The following SLC38A12 variants were observed in gnomAD, a reference collection of about 807,000 sequenced individuals.
The protein encoded by SLC38A12 is putative sodium-coupled neutral amino acid transporter 12.
the SLC38A12 span, chr17:74,819,694 G>A: frequency 4.3e-5 from 66 of 1,542,102 alleles, no homozygotes; most frequent in Non-Finnish European, 5.5e-5. Context: ...TCTTCCGTGT[G>A]CAGACAGTCT....
the SLC38A12 span, among the ~76,000 whole-genome samples, chr17:74,779,211 G>C: frequency 6.6e-6 from 1 of 152,188 alleles, no homozygotes; most frequent in Non-Finnish European, 1.5e-5. Flanking sequence ...CCCATTTCTT[G>C]TATCTCCGGT....
chr17:74,790,977 C>T, the SLC38A12 span: 36 of 1,613,876 alleles, frequency 2.2e-5, no homozygotes, highest in East Asian at 8.9e-5. Flanking sequence ...TCTCCCAACC[C>T]GTTTGAAATC....
At chr17:74,834,665 G>A in the SLC38A12 span, among the ~76,000 whole-genome samples, 1 of 152,172 alleles carries the variant, frequency 6.6e-6, no homozygotes, top group East Asian at 1.9e-4. Context: ...CCCCAGACAG[G>A]AGCCACCGAG....
At chr17:74,816,769 AGAGACT>A in the SLC38A12 span, among the ~76,000 whole-genome samples, 4 of 152,034 alleles carry the variant, frequency 2.6e-5, no homozygotes, top group African/African-American at 9.7e-5. Context: ...GTCCTTGAGC[AGAGACT>A]GAGTTTGAAC....
chr17:74,777,262 A>G, the SLC38A12 span: 1 of 1,588,312 alleles, frequency 6.3e-7, no homozygotes, highest in Non-Finnish European at 8.6e-7. Flanking sequence ...TTTTGTTTTA[A>G]GGAGCTGCGG....
chr17:74,831,532 G>A, the SLC38A12 span, among the ~76,000 whole-genome samples: 1 of 152,222 alleles, frequency 6.6e-6, no homozygotes, highest in Non-Finnish European at 1.5e-5. Context: ...AGCCGCTCGT[G>A]TGACCTGTGT....
the SLC38A12 span, among the ~76,000 whole-genome samples, chr17:74,796,762 G>A: frequency 6.6e-6 from 1 of 152,248 alleles, no homozygotes; most frequent in Non-Finnish European, 1.5e-5. Flanking sequence ...TTGGTAGCGG[G>A]TTAATTGTCT....
the SLC38A12 span, among the ~76,000 whole-genome samples, chr17:74,826,989 A>G: frequency 6.6e-6 from 1 of 152,088 alleles, no homozygotes; most frequent in Non-Finnish European, 1.5e-5. Flanking sequence ...CAGAGCCCCA[A>G]AGGTTTGCTG....
At chr17:74,836,460 G>T in the SLC38A12 span, 2 of 1,608,712 alleles carry the variant, frequency 1.2e-6, no homozygotes, top group Non-Finnish European at 1.7e-6. The surrounding 1 kb of genome is among the most constrained non-coding windows in gnomAD (Gnocchi z 4.2). Flanking sequence ...GGAGTCCCTG[G>T]TGGGCATCAC....
chr17:74,836,602 T>C, the SLC38A12 span: 7 of 1,613,154 alleles, frequency 4.3e-6, no homozygotes, highest in Non-Finnish European at 5.9e-6. The surrounding 1 kb of genome is among the most constrained non-coding windows in gnomAD (Gnocchi z 4.2). Context: ...CGCCACACCT[T>C]CTGGGTGGGC....
the SLC38A12 span, among the ~76,000 whole-genome samples, chr17:74,814,626 C>T: frequency 6.6e-6 from 1 of 152,214 alleles, no homozygotes; most frequent in African/African-American, 2.4e-5. Flanking sequence ...ATGCTGCTGG[C>T]TTTGCCAAGT....
At chr17:74,792,916 T>C in the SLC38A12 span, among the ~76,000 whole-genome samples, 1 of 152,262 alleles carries the variant, frequency 6.6e-6, no homozygotes, top group Non-Finnish European at 1.5e-5. Context: ...CGTTTCCTCC[T>C]GGCAGCAACG....
the SLC38A12 span, among the ~76,000 whole-genome samples, chr17:74,813,387 G>C: frequency 6.6e-6 from 1 of 152,218 alleles, no homozygotes; most frequent in African/African-American, 2.4e-5. Flanking sequence ...GGTTAGTTTT[G>C]GCGTGGAGTT....
At chr17:74,786,716 A>G in the SLC38A12 span, among the ~76,000 whole-genome samples, 2 of 152,192 alleles carry the variant, frequency 1.3e-5, no homozygotes, top group Admixed American at 1.3e-4. Flanking sequence ...TGAATGGGAT[A>G]GGAAAACGCC....
chr17:74,790,309 G>T, the SLC38A12 span: 3 of 1,612,030 alleles, frequency 1.9e-6, no homozygotes, highest in African/African-American at 2.7e-5. Context: ...AAGTCTTGGG[G>T]TTCTCGCGGG....
the SLC38A12 span, among the ~76,000 whole-genome samples, chr17:74,781,451 A>G: frequency 6.6e-6 from 1 of 152,012 alleles, no homozygotes; most frequent in Non-Finnish European, 1.5e-5. Context: ...TCCCCGGCTA[A>G]TATTTTTATT....
the SLC38A12 span, chr17:74,788,793 G>C: frequency 6.8e-6 from 11 of 1,612,488 alleles, no homozygotes; most frequent in Non-Finnish European, 9.3e-6. Flanking sequence ...CCTCAGCTTC[G>C]TGACCACCAC....
At chr17:74,835,746 G>A in the SLC38A12 span, among the ~76,000 whole-genome samples, 2 of 152,348 alleles carry the variant, frequency 1.3e-5, no homozygotes, top group South Asian at 2.1e-4. Flanking sequence ...AGAGAGGGAT[G>A]CGGGACCTTC....
At chr17:74,824,453 T>C in the SLC38A12 span, among the ~76,000 whole-genome samples, 12,816 of 150,510 alleles carry the variant, frequency 0.085, 1,759 homozygotes, top group African/African-American at 0.29. Flanking sequence ...AGGCTGCCCC[T>C]GCCCCGCCGC....
Sources: allele counts gnomAD v4.1 joint callset (sites outside exome capture counted in the v4.1 genomes callset), GRCh38; gene constraint gnomAD v4.1.1; non-coding constraint Gnocchi (gnomAD v3.1); transcripts MANE v1.5; gene names NCBI Gene and HGNC (gene_info 2026-07-23, HGNC 2026-07-21).